Variants in FBN2 observed in about 807,000 individuals in gnomAD.
FBN2 encodes the protein fibrillin-2.
FBN2 carries 105 observed loss-of-function variants against 355.6 expected under a neutral mutation model. The observed-to-expected ratio is 0.30, with a 90% CI of 0.25 to 0.35. FBN2 has a LOEUF of 0.35. FBN2 is among the 10% of genes least tolerant of loss of function. The pLI is 1.00. For missense variants in FBN2, 3,280 were observed against 3,758.7 expected (o/e 0.87, Z 3.33); for synonymous variants, 1,350 against 1,301.2 (o/e 1.04, Z -0.81).
intron 15 of FBN2, among the ~76,000 whole-genome samples, chr5:128,370,753 G>A (rs1376006481): frequency 6.6e-6 from 1 of 152,002 alleles, no homozygotes; most frequent in African/African-American, 2.4e-5. Context: ...TTAAAAGCAA[G>A]CAGATAAAAG....
At chr5:128,526,381 A>G (rs976258209) in intron 4 of FBN2, among the ~76,000 whole-genome samples, 1 of 152,140 alleles carries the variant, frequency 6.6e-6, no homozygotes, top group Non-Finnish European at 1.5e-5. Context: ...CATGTAATCC[A>G]ACAATTCCAC....
Position 128,307,201 on chromosome 5 carries a change from C to T in FBN2, c.5356G>A (p.Asp1786Asn). ...CEPCPTPGTA[D>N]FKTICGNIPG... is the part of the protein sequence containing the mutation. The stretch of plus-strand genomic sequence containing the variant: ...ATATTTCCACATATGGTTTTAAAGT[C>T]AGCTTTAAAATATAAACAAAGCAAT... The change falls in exon 42 of 65, where the codon GAC becomes AAC. Residue 1786 changes from aspartate to asparagine, a missense_variant and splice_region_variant. Asp to Asn is a conservative substitution (Grantham distance 23). This residue lies in a region of FBN2 where 2,284 missense variants were observed against 2,749.5 expected (regional missense o/e 0.83). Transcript: ENST00000262464. The T allele has an allele frequency of 1.3e-6, 2 of 1,591,042 alleles. No homozygotes were observed. Among genetic ancestry groups the T allele is most frequent in the Non-Finnish European group, 1.7e-6 (2 of 1,159,356 alleles).
At chr5:128,493,217 A>G (rs1199641959) in intron 5 of FBN2, among the ~76,000 whole-genome samples, 2 of 152,178 alleles carry the variant, frequency 1.3e-5, no homozygotes, top group African/African-American at 2.4e-5. Context: ...CCTCAGTTAC[A>G]ACCATGATGC....
rs757092876 is a variant in FBN2, at chr5:128,262,577, AC to A, written c.8193-671del. Among the ~76,000 whole-genome samples, 19 of 152,334 alleles carry A rather than the reference AC, an allele frequency of 1.2e-4. No homozygotes were observed. In the South Asian group the frequency reaches 3.7e-3, roughly 30 times the overall value. On this transcript the variant is annotated intron_variant, in intron 63 of 64. Coordinates refer to ENST00000262464, the MANE Select transcript of FBN2 (RefSeq NM_001999.4). ...CTGAAGCCTGTATTTGCTGCTTGCAACAAAGCTCCCTGCTTTAAAAACTGAG... is the reference window on the plus strand; with the variant it reads ...CTGAAGCCTGTATTTGCTGCTTGCAAAAAGCTCCCTGCTTTAAAAACTGAG...
chr5:128,272,823 A>G (rs1765300927), intron 61 of FBN2, among the ~76,000 whole-genome samples: 1 of 152,186 alleles, frequency 6.6e-6, no homozygotes, highest in Non-Finnish European at 1.5e-5. Context: ...ATGGATAATT[A>G]ATAAATGGTA....
In FBN2 at chr5:128,387,750, G is replaced by A. The variant is rs182940115; in HGVS notation, c.1603+4268C>T. ...ATTTTTCTTGAATATACTAAGAATT[G>A]TTTATTGCCAAGTGTGTGGTTAATC... On this transcript the variant is annotated intron_variant, in intron 11 of 64. Transcript: ENST00000262464. Among the ~76,000 whole-genome samples the A allele has an allele frequency of 5.9e-5, 9 of 152,172 alleles. No individual in the cohort carries two copies. The East Asian group carries it at 1.7e-3, about 29-fold the overall frequency.
chr5:128,512,332 C>A (rs1756152689), intron 5 of FBN2, among the ~76,000 whole-genome samples: 1 of 151,836 alleles, frequency 6.6e-6, no homozygotes, highest in Non-Finnish European at 1.5e-5. Flanking sequence ...GCCAACGTGG[C>A]AAAACCCCAT....
intron 55 of FBN2, 65 bp downstream of exon 55, chr5:128,286,653 T>C (rs1749154060): frequency 6.3e-7 from 1 of 1,578,216 alleles, no homozygotes; most frequent in East Asian, 2.2e-5. Flanking sequence ...GATGTGGGAG[T>C]AGTGCCATTA....
intron 5 of FBN2, among the ~76,000 whole-genome samples, chr5:128,513,904 C>A (rs1756201659): frequency 6.6e-6 from 1 of 151,934 alleles, no homozygotes; most frequent in African/African-American, 2.4e-5. Context: ...TGAGCTAGTG[C>A]CAAAAAGTTA....
At chr5:128,260,254 C>A (rs1447420654) in intron 64 of FBN2, among the ~76,000 whole-genome samples, 1 of 151,920 alleles carries the variant, frequency 6.6e-6, no homozygotes, top group Admixed American at 6.6e-5. Flanking sequence ...AGGGAATGCG[C>A]CCAGGGGAAT....
intron 26 of FBN2, among the ~76,000 whole-genome samples, 161 bp from the exon 27 acceptor site, chr5:128,338,283 C>T (rs752249872): frequency 3.7e-4 from 57 of 152,132 alleles, no homozygotes; most frequent in Non-Finnish European, 6.8e-4. Context: ...TTTCCTACGA[C>T]CAACAGAAAA....
chr5:128,438,877 C>G (rs1753844939), intron 7 of FBN2, among the ~76,000 whole-genome samples: 1 of 152,116 alleles, frequency 6.6e-6, no homozygotes, highest in African/African-American at 2.4e-5. Flanking sequence ...CCTCTCCATT[C>G]CTTTTTCCAA....
chr5:128,484,332 T>C (rs1305212104), intron 5 of FBN2, among the ~76,000 whole-genome samples: 1 of 152,198 alleles, frequency 6.6e-6, no homozygotes, highest in African/African-American at 2.4e-5. Flanking sequence ...AAATGTTTTG[T>C]ATAAGAAAAT....
chr5:128,468,550 C>T (rs527714402), intron 5 of FBN2, among the ~76,000 whole-genome samples: 4 of 152,256 alleles, frequency 2.6e-5, no homozygotes, highest in Non-Finnish European at 5.9e-5. Context: ...AATTATTTTC[C>T]AGAATAGGTT....
At chr5:128,313,894 T>G (rs1193109162) in intron 36 of FBN2, among the ~76,000 whole-genome samples, 1 of 149,878 alleles carries the variant, frequency 6.7e-6, no homozygotes, top group Non-Finnish European at 1.5e-5. Context: ...GGAATCTGTC[T>G]ACTTACCACT....
At chr5:128,270,209 G>T (rs1394371378) in intron 62 of FBN2, among the ~76,000 whole-genome samples, 1 of 152,146 alleles carries the variant, frequency 6.6e-6, no homozygotes, top group East Asian at 1.9e-4. Context: ...ATGGATTAAA[G>T]ACTTAAAACC....
At chr5:128,282,235 A>G (rs1450680582) in intron 55 of FBN2, among the ~76,000 whole-genome samples, 1 of 152,164 alleles carries the variant, frequency 6.6e-6, no homozygotes, top group Non-Finnish European at 1.5e-5. Context: ...GAAATTCACC[A>G]TGATGTGCCT....
At chr5:128,335,910 CATT>C (rs1323142922) in intron 28 of FBN2, 75 bp downstream of exon 28, 7 of 1,466,072 alleles carry the variant, frequency 4.8e-6, no homozygotes, top group Middle Eastern at 1.7e-4. Context: ...GCATAGCCTT[CATT>C]ATAATTCAGC....
intron 53 of FBN2, 152 bp downstream of exon 53, chr5:128,288,286 A>AAACC: frequency 1.2e-6 from 1 of 802,950 alleles, no homozygotes; most frequent in South Asian, 1.7e-5. Context: ...GGAAAACTAA[A>AAACC]AACCAACCAA....
Sources: gnomAD v4.1 joint callset for allele counts (sites outside exome capture counted in the v4.1 genomes callset) on GRCh38, gnomAD v4.1.1 for gene constraint, gnomAD v4.1.1 regional missense constraint, MANE v1.5 for transcripts, NCBI Gene and HGNC (gene_info 2026-07-23, HGNC 2026-07-21) for gene names.